MFHAS1: variants seen among roughly 807,000 people sequenced by gnomAD.
MFHAS1 encodes the protein multifunctional ROCO family signaling regulator 1, also known as malignant fibrous histiocytoma-amplified sequence 1.
MFHAS1 carries 50 observed loss-of-function variants against 70.4 expected under a neutral mutation model. The observed-to-expected ratio is 0.71, with a 90% CI of 0.57 to 0.90. The LOEUF is 0.90. Ranked by LOEUF, MFHAS1 falls within the 40% of genes least tolerant of loss-of-function variation. MFHAS1 has a pLI of 0.00. For synonymous variants in MFHAS1, 952 were observed against 620.0 expected, an observed-to-expected ratio of 1.54 and a Z score of -7.96; for missense variants, 1,795 against 1,347.6, an observed-to-expected ratio of 1.33 and a Z score of -5.20.
At chr8:8,884,278 G>C (rs1288958701) in intron 1 of MFHAS1, among the ~76,000 whole-genome samples, 1 of 152,000 alleles carries the variant, frequency 6.6e-6, no homozygotes, top group Admixed American at 6.6e-5. Context: ...GCCTGATTAA[G>C]GTTTTGATTT....
intron 2 of MFHAS1, among the ~76,000 whole-genome samples, chr8:8,795,094 T>C (rs1585018536): frequency 6.6e-6 from 1 of 152,326 alleles, no homozygotes; most frequent in East Asian, 1.9e-4. Context: ...ATGTCTCTCT[T>C]GGCTCTGGAA....
chr8:8,796,661 G>A (rs1805907048), intron 2 of MFHAS1, among the ~76,000 whole-genome samples: 1 of 122,718 alleles, frequency 8.1e-6, no homozygotes, highest in Non-Finnish European at 1.6e-5. Context: ...TCCAGCCTGG[G>A]CGACAGAGCA....
chr8:8,828,207 A>G (rs1327498450), intron 1 of MFHAS1, among the ~76,000 whole-genome samples: 1 of 152,258 alleles, frequency 6.6e-6, no homozygotes. Flanking sequence ...TACAACCAAG[A>G]GAATAAATTA....
At chr8:8,856,692 A>G (rs989784566) in intron 1 of MFHAS1, among the ~76,000 whole-genome samples, 23 of 152,146 alleles carry the variant, frequency 1.5e-4, no homozygotes, top group African/African-American at 5.6e-4. Context: ...TTCCTAGCCT[A>G]TTCATCTTTG....
intron 1 of MFHAS1, among the ~76,000 whole-genome samples, chr8:8,845,425 G>C (rs914425544): frequency 2.6e-5 from 4 of 152,176 alleles, no homozygotes; most frequent in African/African-American, 9.7e-5. Context: ...ACCCAAGCCT[G>C]GGTGCACGCT....
rs754666627 is a variant in MFHAS1, at chr8:8,892,965, G to A, written c.94C>T (p.Leu32Phe). 4.5e-6 allele frequency: 7 copies of A among 1,543,798 alleles called. No homozygotes were observed. Among genetic ancestry groups the A allele is most frequent in the South Asian group, 2.4e-5 (2 of 84,130 alleles). The change falls in exon 1 of 3, where the codon CTC (leucine) becomes TTC (phenylalanine). Residue 32 changes from leucine (L) to phenylalanine (F), a missense_variant. Transcript: ENST00000276282. The surrounding 1 kb of genome is among the most constrained non-coding windows in gnomAD (Gnocchi z 4.7). Reference sequence around the variant, plus strand: ...CAGGCCCCGGCGGCGGTAAGCGTGAGCTGGCGCAGGTTGCTCCGCAGCTTC... The same window carrying A: ...CAGGCCCCGGCGGCGGTAAGCGTGAACTGGCGCAGGTTGCTCCGCAGCTTC... Reference protein sequence around the residue: ...ARKLRSNLRQLTLTAAGACPG... With the variant: ...ARKLRSNLRQFTLTAAGACPG...
At position 8,891,213 on chromosome 8, in the gene MFHAS1, G is replaced by T; in HGVS notation, c.1846C>A (p.His616Asn). 1 of 1,612,720 alleles carries T rather than the reference G, an allele frequency of 6.2e-7. No homozygotes were observed. The highest frequency in any genetic ancestry group is 8.5e-7 in the Non-Finnish European group (1 of 1,180,042). ...ACGGGGGAGAGGATCTGCAGCCGGT[G>T]GTTGAGCAGGTATTGAAAATGGGCC... Reference protein sequence around the residue: ...RKAHFQYLLNHRLQILSPVLP... With the variant: ...RKAHFQYLLNNRLQILSPVLP... The change falls in exon 1 of 3, where the codon CAC becomes AAC. Residue 616 changes from histidine to asparagine, a missense_variant. By Grantham distance (68) the His-to-Asn change is moderately conservative. Transcript: ENST00000276282. This position sits in a 1 kb window ranked among gnomAD's most constrained non-coding sequence, Gnocchi z 5.4.
At position 8,890,228 on chromosome 8, in the gene MFHAS1, G is replaced by A. The variant is rs890252887; in HGVS notation, c.2831C>T (p.Ala944Val). 4 of 1,614,164 alleles carry A rather than the reference G, an allele frequency of 2.5e-6. No individual in the cohort carries two copies. Among genetic ancestry groups the A allele is most frequent in the South Asian group, 2.2e-5 (2 of 91,086 alleles). ...TATATTTGGTAATGATGCATGGCTA[G>A]CAATGGACAGGGTGTCTGGCTGCAG... is the stretch of plus-strand genomic sequence containing the variant. ...GVLQPDTLSIASHASLPNIWT... is the reference protein window; with the variant it reads ...GVLQPDTLSIVSHASLPNIWT... Residue 944 changes from alanine to valine, a missense_variant, in exon 1 of 3, where the codon GCT (alanine) becomes GTT (valine). Coordinates refer to ENST00000276282, the MANE Select transcript of MFHAS1 (RefSeq NM_004225.3).
chr8:8,853,964 C>T (rs1808338958), intron 1 of MFHAS1, among the ~76,000 whole-genome samples: 1 of 152,190 alleles, frequency 6.6e-6, no homozygotes, highest in Admixed American at 6.5e-5. Context: ...TCCCATGTTG[C>T]ATTCCATAAA....
chr8:8,820,740 C>G (rs1265726661), intron 1 of MFHAS1, among the ~76,000 whole-genome samples: 1 of 152,138 alleles, frequency 6.6e-6, no homozygotes, highest in Non-Finnish European at 1.5e-5. Context: ...GGGAAAAACT[C>G]CAGGGGTGCC....
At position 8,843,008 on chromosome 8, in the gene MFHAS1, G is replaced by A. The variant is rs755999860; in HGVS notation, c.2999-45517C>T. Among the ~76,000 whole-genome samples the A allele has an allele frequency of 2.6e-5, 4 of 152,126 alleles. No homozygotes were observed. In the South Asian group the frequency reaches 6.2e-4, roughly 24 times the overall value. On this transcript the variant is annotated intron_variant, in intron 1 of 2. Transcript: ENST00000276282. ...AGGCCGGGCGCGGTGGCTCACGCCT[G>A]TAATCCCAGCACTTTGGGAGGCCGA... is the stretch of plus-strand genomic sequence containing the variant.
At position 8,891,885 on chromosome 8, in the gene MFHAS1, T is replaced by G; in HGVS notation, c.1174A>C (p.Ile392Leu). The stretch of plus-strand genomic sequence containing the variant: ...GCCAGTTCCTTCTGGTAGGCTGCGA[T>G]GTAGGGGATCCCCTTCATGCAGACC... ...YEVCMKGIPY[I>L]AAYQKELAHS... The change falls in exon 1 of 3, where the codon ATC (isoleucine) becomes CTC (leucine). Residue 392 changes from isoleucine to leucine, a missense_variant. Physicochemically the swap from Ile to Leu is conservative, Grantham distance 5 (BLOSUM62 2). Transcript: ENST00000276282. The surrounding 1 kb of genome is among the most constrained non-coding windows in gnomAD (Gnocchi z 5.4). 6.8e-6 allele frequency: 11 copies of G among 1,611,582 alleles called. No homozygotes were observed. The highest frequency in any genetic ancestry group is 9.3e-6 in the Non-Finnish European group (11 of 1,178,862).
intron 2 of MFHAS1, among the ~76,000 whole-genome samples, chr8:8,789,868 G>A (rs1436478327): frequency 6.6e-6 from 1 of 151,918 alleles, no homozygotes; most frequent in African/African-American, 2.4e-5. Context: ...CAACCCCTCT[G>A]CCCCAGGGCC....
chr8:8,815,198 G>A (rs11777812), intron 1 of MFHAS1, among the ~76,000 whole-genome samples: 20,882 of 152,034 alleles, frequency 0.14, 1,859 homozygotes, highest in Non-Finnish European at 0.2. Flanking sequence ...ACATGATCTT[G>A]TTCCTTTTTA....
chr8:8,796,047 T>G (rs1805881277), intron 2 of MFHAS1, among the ~76,000 whole-genome samples: 1 of 152,124 alleles, frequency 6.6e-6, no homozygotes, highest in Non-Finnish European at 1.5e-5. Flanking sequence ...TAACAGGCAT[T>G]TCATCTCAGC....
At position 8,864,443 on chromosome 8, in the gene MFHAS1, G is replaced by C. The variant is rs535016446; in HGVS notation, c.2998+25618C>G. ...AATGTCTTCCTATCAGAATCACCAA[G>C]TAAAAATATTTTTAATGTTCCTTGG... On this transcript the variant is annotated intron_variant, in intron 1 of 2. Coordinates refer to ENST00000276282, the MANE Select transcript of MFHAS1 (RefSeq NM_004225.3). 2.0e-5 allele frequency among the ~76,000 whole-genome samples: 3 copies of C among 152,238 alleles called. No individual in the cohort carries two copies. The East Asian group carries it at 5.8e-4, about 29-fold the overall frequency.
At chr8:8,885,739 T>C (rs768324677) in intron 1 of MFHAS1, among the ~76,000 whole-genome samples, 7 of 152,258 alleles carry the variant, frequency 4.6e-5, no homozygotes, top group Non-Finnish European at 1.0e-4. Flanking sequence ...AGCCAGGGTC[T>C]TGCCCTGTCG....
chr8:8,830,355 A>T (rs1807339717), intron 1 of MFHAS1, among the ~76,000 whole-genome samples: 1 of 152,218 alleles, frequency 6.6e-6, no homozygotes, highest in Non-Finnish European at 1.5e-5. Context: ...AGTGTCAGCC[A>T]CCGTTTTCAT....
intron 2 of MFHAS1, among the ~76,000 whole-genome samples, chr8:8,792,625 C>A (rs1463407999): frequency 3.9e-5 from 6 of 151,952 alleles, no homozygotes; most frequent in African/African-American, 1.2e-4. Context: ...ACCAAAAAAA[C>A]AAACCAAAAA....
Sources: allele counts gnomAD v4.1 joint callset (sites outside exome capture counted in the v4.1 genomes callset), GRCh38; gene constraint gnomAD v4.1.1; non-coding constraint Gnocchi (gnomAD v3.1); transcripts MANE v1.5; gene names NCBI Gene and HGNC (gene_info 2026-07-23, HGNC 2026-07-21).